The following CYYR1 variants were observed in gnomAD, a reference collection of about 807,000 sequenced individuals.
CYYR1 encodes the protein cysteine and tyrosine-rich protein 1.
In CYYR1, 14 loss-of-function variants were observed where a neutral mutation model predicts 15.2. The observed-to-expected ratio is 0.92, with a 90% CI of 0.61 to 1.44. The LOEUF (loss-of-function observed/expected upper bound fraction) is 1.44. Ranked by LOEUF, CYYR1 falls within the 40% of genes most tolerant of loss-of-function variation. The pLI is 0.00. For synonymous variants in CYYR1, 80 were observed against 77.4 expected (o/e 1.03, Z -0.18); for missense variants, 228 against 209.5 (o/e 1.09, Z -0.54).
chr21:26,542,259 A>AAGAG (rs547776701), intron 2 of CYYR1, among the ~76,000 whole-genome samples: 1 of 102,974 alleles, frequency 9.7e-6, no homozygotes, highest in Non-Finnish European at 2.0e-5. Context: ...GGGAGAGAGA[A>AAGAG]AGAGAGAGAG....
At chr21:26,480,810 A>G (rs774367050) in intron 2 of CYYR1, among the ~76,000 whole-genome samples, 4 of 152,172 alleles carry the variant, frequency 2.6e-5, no homozygotes, top group Non-Finnish European at 5.9e-5. Context: ...TGTTGGGCAT[A>G]GCATGTATGT....
intron 3 of CYYR1, 73 bp from the exon 4 acceptor site, chr21:26,468,707 G>A (rs779642544): frequency 1.0e-5 from 12 of 1,175,970 alleles, no homozygotes; most frequent in Non-Finnish European, 1.4e-5. Context: ...AAGCCACTGG[G>A]CTAGATACTT....
At chr21:26,551,785 C>A (rs980508892) in intron 2 of CYYR1, 4 of 260,978 alleles carry the variant, frequency 1.5e-5, no homozygotes, top group African/African-American at 6.8e-5. Flanking sequence ...GAAATGACAA[C>A]AAAGGATTTA....
At position 26,562,743 on chromosome 21, in the gene CYYR1, C is replaced by CAGAGACAT. The variant is rs1980299502; in HGVS notation, c.176+3522_176+3523insATGTCTCT. ...CTCCTCCTAAACACACACACACACACACACACACACACACACAGAGACATA... is the reference window on the plus strand; with the variant it reads ...CTCCTCCTAAACACACACACACACACAGAGACATACACACACACACACACAGAGACATA... On this transcript the variant is annotated intron_variant, in intron 2 of 3. Coordinates refer to ENST00000652641, the MANE Select transcript of CYYR1 (RefSeq NM_001320768.2). Among the ~76,000 whole-genome samples, 148 of 147,258 alleles carry CAGAGACAT rather than the reference C, an allele frequency of 1.0e-3. 1 individual carries two copies. Among genetic ancestry groups the CAGAGACAT allele is most frequent in the Non-Finnish European group, 1.8e-3 (123 of 66,886 alleles).
chr21:26,489,596 G>C (rs977321340), intron 2 of CYYR1, among the ~76,000 whole-genome samples: 2 of 151,462 alleles, frequency 1.3e-5, no homozygotes, highest in African/African-American at 4.8e-5. Flanking sequence ...TATAATATAA[G>C]ATATATATTT....
chr21:26,507,964 T>G (rs1039085371), intron 2 of CYYR1, among the ~76,000 whole-genome samples: 2 of 152,168 alleles, frequency 1.3e-5, no homozygotes, highest in Non-Finnish European at 2.9e-5. Context: ...TACAGAGAGT[T>G]TTCTTGTGGA....
rs33974862 is a variant in CYYR1, at chr21:26,502,302, CTTTT to C, written c.177-21877_177-21874del. On this transcript the variant is annotated intron_variant, in intron 2 of 3. Transcript: ENST00000652641. ...TTGCTATGTATAGAATTGAGAACTG[CTTTT>C]TTTTTTTTTTTTTGATCTTGCAAAG... Among the ~76,000 whole-genome samples the C allele has an allele frequency of 4.3e-3, 594 of 139,300 alleles. 4 individuals carry two copies. The highest frequency in any genetic ancestry group is 0.014 in the African/African-American group (547 of 38,048). The allele number at this position is 139,300 out of a possible 152,430, so 91.4% of individuals were successfully genotyped here. A position where few individuals can be genotyped will look rare whatever the true frequency, so the allele number is the denominator to read the frequency against.
intron 2 of CYYR1, among the ~76,000 whole-genome samples, chr21:26,557,868 G>A (rs571975009): frequency 4.5e-4 from 68 of 152,230 alleles, no homozygotes; most frequent in South Asian, 1.9e-3. Flanking sequence ...ATTCATTCCC[G>A]TTTCTGAACC....
chr21:26,520,841 C>T (rs2065795227), intron 2 of CYYR1, among the ~76,000 whole-genome samples: 1 of 152,054 alleles, frequency 6.6e-6, no homozygotes, highest in South Asian at 2.1e-4. Flanking sequence ...TGATGTTGAG[C>T]TTTATGCAAC....
intron 2 of CYYR1, among the ~76,000 whole-genome samples, chr21:26,546,863 G>C (rs2123670375): frequency 6.6e-6 from 1 of 152,256 alleles, no homozygotes; most frequent in South Asian, 2.1e-4. Context: ...AACTTGCCCA[G>C]CTCAGGGAGG....
chr21:26,525,942 T>C (rs2065858542), intron 2 of CYYR1, among the ~76,000 whole-genome samples: 1 of 152,194 alleles, frequency 6.6e-6, no homozygotes, highest in South Asian at 2.1e-4. Context: ...CCGCATGTTC[T>C]CAGTTATAAA....
At position 26,492,716 on chromosome 21, in the gene CYYR1, C is replaced by CAA. The variant is rs11406434; in HGVS notation, c.177-12289_177-12288dup. ...CCATCTGTTCTGGCAGATCATATTT[C>CAA]AAAAAAAAAAATCTCAAGGTCGAAG... On this transcript the variant is annotated intron_variant, in intron 2 of 3. Coordinates refer to ENST00000652641, the MANE Select transcript of CYYR1 (RefSeq NM_001320768.2). Among the ~76,000 whole-genome samples the CAA allele has an allele frequency of 2.9e-3, 437 of 149,484 alleles. 3 individuals are homozygous for CAA. Among genetic ancestry groups the CAA allele is most frequent in the African/African-American group, 8.4e-3 (344 of 40,832 alleles).
In CYYR1 at chr21:26,538,512, T is replaced by C. The variant is rs140064660; in HGVS notation, c.176+27754A>G. 8.3e-4 allele frequency among the ~76,000 whole-genome samples: 126 copies of C among 152,288 alleles called. 1 individual carries two copies. The highest frequency in any genetic ancestry group is 2.7e-3 in the African/African-American group (113 of 41,590). On this transcript the variant is annotated intron_variant, in intron 2 of 3. Transcript: ENST00000652641. ...TATTTTAATTATGGTGTTTCTTTCA[T>C]GTGCTTATTTTTCCACCACTTTGTT...
intron 2 of CYYR1, among the ~76,000 whole-genome samples, chr21:26,559,774 G>A (rs7283190): frequency 0.083 from 12,582 of 152,054 alleles, 1,779 homozygotes; most frequent in African/African-American, 0.29. Flanking sequence ...CCATATATAC[G>A]TCAGTCAGTT....
intron 3 of CYYR1, chr21:26,478,047 G>A: frequency 1.3e-6 from 2 of 1,548,174 alleles, no homozygotes; most frequent in South Asian, 2.4e-5. Context: ...TCAGCTGAGT[G>A]CCCATTATGT....
chr21:26,481,982 T>TG (rs2065187633), intron 2 of CYYR1, among the ~76,000 whole-genome samples: 1 of 152,096 alleles, frequency 6.6e-6, no homozygotes, highest in Non-Finnish European at 1.5e-5. Flanking sequence ...ACTTTCTCAT[T>TG]TGCATATTCC....
intron 2 of CYYR1, among the ~76,000 whole-genome samples, chr21:26,533,540 G>A (rs1301199444): frequency 6.6e-6 from 1 of 152,098 alleles, no homozygotes; most frequent in African/African-American, 2.4e-5. Flanking sequence ...TAGCTGTGCT[G>A]TCAGTTGATT....
chr21:26,478,413 A>G (rs2065130235), intron 3 of CYYR1, among the ~76,000 whole-genome samples: 1 of 152,194 alleles, frequency 6.6e-6, no homozygotes, highest in Non-Finnish European at 1.5e-5. Flanking sequence ...AGTTCATGGA[A>G]CAGCAAGGGA....
In CYYR1 at chr21:26,547,131, G is replaced by A. The variant is rs768759178; in HGVS notation, c.176+19135C>T. Among the ~76,000 whole-genome samples the A allele has an allele frequency of 3.9e-5, 6 of 151,910 alleles. No individual in the cohort carries two copies. In the South Asian group the frequency reaches 8.3e-4, roughly 21 times the overall value. On this transcript the variant is annotated intron_variant, in intron 2 of 3. Coordinates refer to ENST00000652641, the MANE Select transcript of CYYR1 (RefSeq NM_001320768.2). Reference sequence around the variant, plus strand: ...GAGGGGTCCAGGTTGTGCAATGTTCGGGCTCAGAAACTGATCGCCTGAAAT... The same window carrying A: ...GAGGGGTCCAGGTTGTGCAATGTTCAGGCTCAGAAACTGATCGCCTGAAAT...
Sources: allele counts gnomAD v4.1 joint callset (sites outside exome capture counted in the v4.1 genomes callset), GRCh38; gene constraint gnomAD v4.1.1; transcripts MANE v1.5; gene names NCBI Gene and HGNC (gene_info 2026-07-23, HGNC 2026-07-21).